The following ZNF136 variants were observed in gnomAD, a reference collection of about 807,000 sequenced individuals.
ZNF136 encodes the protein zinc finger protein 136.
ZNF136 carries 8 observed loss-of-function variants against 11.4 expected under a neutral mutation model. The observed-to-expected ratio is 0.70, with a 90% confidence interval of 0.41 to 1.27. The LOEUF (loss-of-function observed/expected upper bound fraction) is 1.27, where lower values mean the gene tolerates loss of function less well. Ranked by LOEUF, ZNF136 falls within the 50% of genes most tolerant of loss-of-function variation. The probability of loss-of-function intolerance (pLI) is 0.01; values close to 1 mark genes in which losing one functional copy is unlikely to be tolerated. For missense variants in ZNF136, 590 were observed against 656.5 expected (o/e 0.90, Z 1.11); for synonymous variants, 190 against 207.1 (o/e 0.92, Z 0.71).
intron 1 of ZNF136, among the ~76,000 whole-genome samples, chr19:12,177,199 T>C (rs185656049): frequency 3.8e-4 from 58 of 152,372 alleles, no homozygotes; most frequent in Non-Finnish European, 6.6e-4. Flanking sequence ...GTTTACTGAA[T>C]GTCTTCATGG....
chr19:12,186,876 ACT>A lies in ZNF136; in HGVS notation c.501_502del (p.Tyr168Ter), dbSNP rs1236761972. On this transcript the variant is annotated frameshift_variant, in exon 4 of 4. Coordinates refer to ENST00000343979, the MANE Select transcript of ZNF136 (RefSeq NM_003437.5). LOFTEE classifies it low-confidence loss of function (END_TRUNC). ...ATGAGATAATTCACACTGGAGAGAA[ACT>A]CTATGATTGTAAGGAATGTGGAAAA... Reference protein sequence around the residue: ...THEIIHTGEKLYDCKECGKTF... With the variant: ...THEIIHTGEKXYDCKECGKTF... 2 of 1,614,074 alleles carry A rather than the reference ACT, an allele frequency of 1.2e-6. No individual in the cohort carries two copies. The highest frequency in any genetic ancestry group is 2.2e-5 in the East Asian group (1 of 44,870).
At chr19:12,186,505 G>C in intron 3 of ZNF136, 65 bp from the exon 4 acceptor site, 1 of 1,327,408 alleles carries the variant, frequency 7.5e-7, no homozygotes, top group East Asian at 2.5e-5. Flanking sequence ...GAAAATGCAA[G>C]TTTAATAGCT....
At chr19:12,175,209 G>C (rs568010856) in intron 1 of ZNF136, among the ~76,000 whole-genome samples, 8 of 135,954 alleles carry the variant, frequency 5.9e-5, no homozygotes, top group South Asian at 2.3e-4. Context: ...TTTTTTTTTT[G>C]GGGGGGACAG....
chr19:12,168,136 G>A (rs1296561367), intron 1 of ZNF136, among the ~76,000 whole-genome samples: 3 of 135,908 alleles, frequency 2.2e-5, no homozygotes, highest in African/African-American at 5.6e-5. Context: ...GCAGTGGCGC[G>A]ATCCCGGCTC....
Position 12,186,751 on chromosome 19 carries a change from A to G in ZNF136, c.373A>G (p.Ser125Gly). ...SSLNRHIKDH[S>G]GHEPKEYQEY... The stretch of plus-strand genomic sequence containing the variant: ...CCTTAATAGACACATCAAAGATCAC[A>G]GTGGACATGAACCAAAGGAATATCA... Residue 125 changes from serine to glycine, a missense_variant, in exon 4 of 4, where the codon AGT becomes GGT. Coordinates refer to ENST00000343979, the MANE Select transcript of ZNF136 (RefSeq NM_003437.5). 3 of 1,614,186 alleles carry G rather than the reference A, an allele frequency of 1.9e-6. No homozygotes were observed. Among genetic ancestry groups the G allele is most frequent in the Admixed American group, 1.7e-5 (1 of 60,014 alleles).
At chr19:12,164,865 A>G (rs544660359) in intron 1 of ZNF136, 1 of 152,318 alleles carries the variant, frequency 6.6e-6, no homozygotes, top group African/African-American at 2.4e-5. Context: ...TGAAACTGCT[A>G]TTGCCACAAG....
rs1282648963 is a variant in ZNF136, at chr19:12,188,273, A to G, written c.*272A>G. ...GAGAGAAACCCTGGGTAAAGGGTGT[A>G]GGAAAGGTTTTGTCATCACACAACC... is the stretch of plus-strand genomic sequence containing the variant. On this transcript the variant is annotated 3_prime_UTR_variant, in exon 4 of 4. Coordinates refer to ENST00000343979, the MANE Select transcript of ZNF136 (RefSeq NM_003437.5). 3.4e-6 allele frequency: 1 copy of G among 292,354 alleles called. No individual in the cohort carries two copies. Among genetic ancestry groups the G allele is most frequent in the Admixed American group, 4.5e-5 (1 of 22,062 alleles). 18.1% of individuals were successfully genotyped at this position (292,354 alleles called of 1,614,324 possible). A position where few individuals can be genotyped will look rare whatever the true frequency, so the allele number is the denominator to read the frequency against.
chr19:12,186,658 A>G lies in ZNF136; in HGVS notation c.280A>G (p.Lys94Glu), dbSNP rs530368261. Reference protein sequence around the residue: ...FSQFANQNLSKKIPGVKLCES... With the variant: ...FSQFANQNLSEKIPGVKLCES... ...CCAGTTTGCAAATCAGAATCTGAGC[A>G]AGAAAATCCCTGGAGTGAAACTCTG... The change falls in exon 4 of 4, where the codon AAG becomes GAG. Residue 94 changes from lysine (K) to glutamate (E), a missense_variant. Coordinates refer to ENST00000343979, the MANE Select transcript of ZNF136 (RefSeq NM_003437.5). 6.2e-7 allele frequency: 1 copy of G among 1,614,208 alleles called. No homozygotes were observed. The highest frequency in any genetic ancestry group is 1.1e-5 in the South Asian group (1 of 91,088).
chr19:12,168,721 G>A (rs1267124837), intron 1 of ZNF136, among the ~76,000 whole-genome samples: 1 of 151,844 alleles, frequency 6.6e-6, no homozygotes, highest in Non-Finnish European at 1.5e-5. Context: ...TGTTGCCCAG[G>A]CTGGAATGCA....
intron 1 of ZNF136, among the ~76,000 whole-genome samples, chr19:12,167,515 C>T (rs1424702089): frequency 1.3e-5 from 2 of 152,222 alleles, no homozygotes; most frequent in Non-Finnish European, 2.9e-5. Flanking sequence ...AGCTTGAGCT[C>T]AGCAGTTTGA....
intron 1 of ZNF136, among the ~76,000 whole-genome samples, chr19:12,170,220 G>GCC: frequency 6.6e-6 from 1 of 152,044 alleles, no homozygotes; most frequent in African/African-American, 2.4e-5. Context: ...GAGCCACCGC[G>GCC]CCCGGCCTTT....
intron 1 of ZNF136, among the ~76,000 whole-genome samples, chr19:12,171,978 C>CTTT (rs57769136): frequency 5.4e-5 from 7 of 129,560 alleles, no homozygotes; most frequent in East Asian, 4.3e-4. Flanking sequence ...CTCTCTCTCT[C>CTTT]TTTTTTTTTT....
At chr19:12,169,940 G>A (rs962468797) in intron 1 of ZNF136, among the ~76,000 whole-genome samples, 4 of 152,120 alleles carry the variant, frequency 2.6e-5, no homozygotes, top group East Asian at 1.9e-4. Context: ...GACTACAGGC[G>A]CCTGCCACCA....
At chr19:12,164,923 C>T (rs1977164927) in intron 1 of ZNF136, 1 of 152,174 alleles carries the variant, frequency 6.6e-6, no homozygotes, top group Non-Finnish European at 1.5e-5. Flanking sequence ...GGAACCCACA[C>T]CCTATAGCTT....
intron 1 of ZNF136, among the ~76,000 whole-genome samples, chr19:12,183,605 A>G (rs1187647160): frequency 7.3e-6 from 1 of 137,838 alleles, no homozygotes; most frequent in Non-Finnish European, 1.6e-5. Context: ...CTATCTATCT[A>G]TGTTTATCTT....
intron 1 of ZNF136, among the ~76,000 whole-genome samples, chr19:12,172,784 C>A (rs1024254634): frequency 2.6e-5 from 4 of 152,124 alleles, no homozygotes; most frequent in Admixed American, 6.6e-5. Context: ...GAGGCTGAGG[C>A]AGGCGGATCA....
chr19:12,186,601 A>C lies in ZNF136; in HGVS notation c.223A>C (p.Lys75Gln). 6.2e-7 allele frequency: 1 copy of C among 1,613,708 alleles called. No homozygotes were observed. The highest frequency in any genetic ancestry group is 1.1e-5 in the South Asian group (1 of 90,996). Residue 75 changes from lysine (K) to glutamine (Q), a missense_variant, in exon 4 of 4, where the codon AAG (lysine) becomes CAG (glutamine). Transcript: ENST00000343979. ...TATGTTAGAAAGACTCTATCAAACT[A>C]AGGATGGTAGTCAGCGTGGAGGAAT... The part of the protein sequence containing the change: ...SHMLERLYQT[K>Q]DGSQRGGIFS...
chr19:12,182,965 A>G (rs1290037689), intron 1 of ZNF136, among the ~76,000 whole-genome samples: 1 of 152,224 alleles, frequency 6.6e-6, no homozygotes, highest in Non-Finnish European at 1.5e-5. Flanking sequence ...GTATTTTACC[A>G]TTAAAGCTTG....
At chr19:12,163,251 G>C in intron 1 of ZNF136, 45 bp downstream of exon 1, 1 of 1,360,468 alleles carries the variant, frequency 7.4e-7, no homozygotes, top group Non-Finnish European at 9.6e-7. Context: ...AGGAGGGGCT[G>C]GTTGGACGAC....
Sources: allele counts gnomAD v4.1 joint callset (sites outside exome capture counted in the v4.1 genomes callset), GRCh38; gene constraint gnomAD v4.1.1; transcripts MANE v1.5; gene names NCBI Gene and HGNC (gene_info 2026-07-23, HGNC 2026-07-21).